Variants in ASTN2 observed in about 807,000 individuals in gnomAD.
ASTN2 encodes astrotactin 2.
ASTN2 carries 54 observed loss-of-function variants against 139.8 expected under a neutral mutation model. The observed-to-expected ratio is 0.39, with a 90% CI of 0.31 to 0.48. ASTN2 has a LOEUF of 0.48. Ranked by LOEUF, ASTN2 falls within the 20% of genes least tolerant of loss-of-function variation. ASTN2 has a pLI of 0.95. For synonymous variants in ASTN2, 756 were observed against 719.5 expected (o/e 1.05, Z -0.81); for missense variants, 1,565 against 1,725.1 (o/e 0.91, Z 1.64).
At chr9:116,687,074 C>T in intron 16 of ASTN2, 1 of 1,250,736 alleles carries the variant, frequency 8.0e-7, no homozygotes, top group East Asian at 3.9e-5. Context: ...ACTGAGTGAA[C>T]TTGAGCAGGT....
intron 11 of ASTN2, among the ~76,000 whole-genome samples, chr9:116,847,176 C>T (rs1832464711): frequency 6.6e-6 from 1 of 152,126 alleles, no homozygotes; most frequent in Non-Finnish European, 1.5e-5. Context: ...AGTGCAGTGG[C>T]ACAATCTCGG....
chr9:116,738,334 C>G (rs543763739), intron 13 of ASTN2, among the ~76,000 whole-genome samples: 89 of 151,876 alleles, frequency 5.9e-4, no homozygotes, highest in African/African-American at 2.1e-3. Context: ...AACCCCATCT[C>G]TACTAAAAAT....
At chr9:116,722,770 C>A (rs1310279722) in intron 16 of ASTN2, among the ~76,000 whole-genome samples, 2 of 152,170 alleles carry the variant, frequency 1.3e-5, no homozygotes, top group Non-Finnish European at 2.9e-5. Context: ...TTTCCCCAAC[C>A]TACTCTACCG....
Position 116,699,191 on chromosome 9 carries a change from T to G in ASTN2, c.2806+26580A>C, listed in dbSNP as rs2132074954. 4 of 1,614,254 alleles carry G rather than the reference T, an allele frequency of 2.5e-6. No individual in the cohort carries two copies. The highest frequency in any genetic ancestry group is 3.4e-6 in the Non-Finnish European group (4 of 1,180,050). On this transcript the variant is annotated intron_variant, in intron 16 of 22. Coordinates refer to ENST00000313400, the MANE Select transcript of ASTN2 (RefSeq NM_001365068.1). This position sits in a 1 kb window ranked among gnomAD's most constrained non-coding sequence, Gnocchi z 4.2. ...TCACAGCCTTGCCATCTGGCCAGTT[T>G]GTAGTAACCGATGTGGAAGGTGGAA...
intron 1 of ASTN2, among the ~76,000 whole-genome samples, chr9:117,373,020 T>C (rs1481577570): frequency 6.6e-6 from 1 of 152,186 alleles, no homozygotes; most frequent in Non-Finnish European, 1.5e-5. Flanking sequence ...TTGGGGATGA[T>C]GGTGCTCCCT....
chr9:116,938,345 G>C (rs1835132706), intron 10 of ASTN2, among the ~76,000 whole-genome samples: 1 of 152,092 alleles, frequency 6.6e-6, no homozygotes, highest in Admixed American at 6.5e-5. Context: ...ATGCAAATCA[G>C]AACAGAATCC....
At chr9:116,737,322 G>C (rs891032660) in intron 13 of ASTN2, among the ~76,000 whole-genome samples, 5 of 152,152 alleles carry the variant, frequency 3.3e-5, no homozygotes, top group Non-Finnish European at 7.4e-5. Flanking sequence ...GTTCCGCTGG[G>C]CTGAGAACCT....
chr9:117,370,183 C>T (rs918285857), intron 1 of ASTN2, among the ~76,000 whole-genome samples: 6 of 152,202 alleles, frequency 3.9e-5, no homozygotes, highest in African/African-American at 9.6e-5. Context: ...TTCAGACAGC[C>T]AAATTCAATT....
intron 16 of ASTN2, among the ~76,000 whole-genome samples, chr9:116,652,959 A>G (rs1858008247): frequency 6.6e-6 from 1 of 152,064 alleles, no homozygotes; most frequent in Non-Finnish European, 1.5e-5. Flanking sequence ...CTCCATTCCA[A>G]TGTTACTGTC....
intron 12 of ASTN2, 95 bp downstream of exon 12, chr9:116,820,522 G>A: frequency 1.4e-6 from 2 of 1,426,314 alleles, no homozygotes; most frequent in South Asian, 1.5e-5. Context: ...TGAAGGTCAA[G>A]GTTCAGCCTT....
chr9:116,752,435 G>C (rs1451370086), intron 13 of ASTN2, among the ~76,000 whole-genome samples: 1 of 152,150 alleles, frequency 6.6e-6, no homozygotes, highest in African/African-American at 2.4e-5. Flanking sequence ...ACTTCTAGGA[G>C]ATAATATAGG....
At chr9:116,624,935 C>CATAAG (rs1371950381) in intron 17 of ASTN2, among the ~76,000 whole-genome samples, 1 of 151,988 alleles carries the variant, frequency 6.6e-6, no homozygotes, top group African/African-American at 2.4e-5. Context: ...TAGCATTTAA[C>CATAAG]ATAAGGCAGT....
chr9:117,011,746 T>A (rs114086255), intron 6 of ASTN2, among the ~76,000 whole-genome samples: 119 of 152,330 alleles, frequency 7.8e-4, no homozygotes, highest in Middle Eastern at 3.4e-3. Flanking sequence ...TTCTTCCAAT[T>A]GAACATGAGG....
intron 11 of ASTN2, among the ~76,000 whole-genome samples, chr9:116,842,054 A>G (rs1183771699): frequency 6.6e-6 from 1 of 152,160 alleles, no homozygotes; most frequent in Non-Finnish European, 1.5e-5. Context: ...CCTGAACCAC[A>G]TGGAGGTGGC....
At chr9:117,250,742 C>T (rs535321206) in intron 2 of ASTN2, among the ~76,000 whole-genome samples, 1 of 152,280 alleles carries the variant, frequency 6.6e-6, no homozygotes, top group South Asian at 2.1e-4. Flanking sequence ...ATGAGAAACA[C>T]AGATACTGTC....
intron 19 of ASTN2, among the ~76,000 whole-genome samples, chr9:116,588,274 CT>C (rs1854240527): frequency 6.6e-6 from 1 of 152,196 alleles, no homozygotes; most frequent in Non-Finnish European, 1.5e-5. Context: ...CAAAAAGGTC[CT>C]TCCAAAATTC....
chr9:117,324,918 A>C (rs1021501908), intron 1 of ASTN2, among the ~76,000 whole-genome samples: 1 of 152,132 alleles, frequency 6.6e-6, no homozygotes, highest in Non-Finnish European at 1.5e-5. Context: ...GGATATATCT[A>C]TGGGCAGTGG....
At chr9:116,521,263 G>A (rs995839666) in intron 19 of ASTN2, among the ~76,000 whole-genome samples, 11 of 152,088 alleles carry the variant, frequency 7.2e-5, no homozygotes, top group African/African-American at 2.4e-4. Context: ...TAAGGCCATG[G>A]TCATCAAAAC....
chr9:117,189,082 G>A (rs1831280399), intron 3 of ASTN2, among the ~76,000 whole-genome samples: 1 of 152,148 alleles, frequency 6.6e-6, no homozygotes, highest in African/African-American at 2.4e-5. Flanking sequence ...TCCCAGATAG[G>A]AGACTCCTAC....
Sources: allele counts gnomAD v4.1 joint callset (sites outside exome capture counted in the v4.1 genomes callset), GRCh38; gene constraint gnomAD v4.1.1; non-coding constraint Gnocchi (gnomAD v3.1); transcripts MANE v1.5; gene names NCBI Gene and HGNC (gene_info 2026-07-23, HGNC 2026-07-21).